Variants in WDR4 observed in about 807,000 individuals in gnomAD.
The protein encoded by WDR4 is WDR4 tRNA N7-guanosine methyltransferase non-catalytic subunit.
Under a neutral mutation model 48.6 loss-of-function variants are expected in WDR4, and 47 were observed. The observed-to-expected ratio is 0.97, with a 90% CI of 0.77 to 1.23. The LOEUF (loss-of-function observed/expected upper bound fraction) is 1.23. WDR4 is among the 50% of genes most tolerant of loss of function. WDR4 has a pLI of 0.00. For synonymous variants in WDR4, 268 were observed against 230.0 expected (o/e 1.17, Z -1.49); for missense variants, 606 against 551.6 (o/e 1.10, Z -0.99).
At chr21:42,863,336 T>C in intron 4 of WDR4, 104 bp downstream of exon 4, 1 of 1,407,022 alleles carries the variant, frequency 7.1e-7, no homozygotes, top group South Asian at 1.4e-5. Flanking sequence ...TGCCTGAGCC[T>C]TGACAGGGTA....
downstream of WDR4, among the ~76,000 whole-genome samples, chr21:42,845,775 A>G (rs2057705846): frequency 6.6e-6 from 1 of 152,228 alleles, no homozygotes; most frequent in African/African-American, 2.4e-5. Flanking sequence ...AAATGTGCAT[A>G]ACTGAGAGCC....
rs928029400 is a variant in WDR4 at position 42,855,756 on chromosome 21, A to G, written c.652T>C (p.Tyr218His). The G allele has an allele frequency of 5.7e-5, 88 of 1,552,598 alleles. No homozygotes were observed. Among genetic ancestry groups the G allele is most frequent in the Admixed American group, 3.1e-4 (16 of 51,328 alleles). The change falls in exon 7 of 11, where the codon TAC becomes CAC. Residue 218 changes from tyrosine (Y) to histidine (H), a missense_variant. Coordinates refer to ENST00000398208, the MANE Select transcript of WDR4 (RefSeq NM_018669.6). ...SGDGTLRLWE[Y>H]RSGRQLHCCH... ...CAGTGCAGCTGGCGGCCGCTCCTGT[A>G]CTCCCAGAGCCTCAGGGTGCCGTCC...
rs373676774 is a variant in WDR4 at position 42,870,585 on chromosome 21, C to T, written c.296+2966G>A. 2.4e-3 allele frequency among the ~76,000 whole-genome samples: 359 copies of T among 151,810 alleles called. 2 individuals carry two copies. Among genetic ancestry groups the T allele is most frequent in the African/African-American group, 8.2e-3 (339 of 41,326 alleles). The stretch of plus-strand genomic sequence containing the variant: ...GGTACATCACCTTGAGGTCAGAGTT[C>T]GAAACCAGCCTGGCCAACATGGTGA... On this transcript the variant is annotated intron_variant, in intron 3 of 10. Coordinates refer to ENST00000398208, the MANE Select transcript of WDR4 (RefSeq NM_018669.6).
At chr21:42,860,910 G>A (rs534836654) in intron 5 of WDR4, among the ~76,000 whole-genome samples, 9 of 152,290 alleles carry the variant, frequency 5.9e-5, no homozygotes, top group African/African-American at 2.2e-4. Context: ...AACTGATACT[G>A]CAATGTCAGC....
Position 42,863,499 on chromosome 21 carries a change from G to C in WDR4, c.394C>G (p.Leu132Val), listed in dbSNP as rs2058166944. 1.2e-6 allele frequency: 2 copies of C among 1,613,888 alleles called. No individual in the cohort carries two copies. The highest frequency in any genetic ancestry group is 1.7e-5 in the Admixed American group (1 of 60,000). Residue 132 changes from leucine to valine, a missense_variant, in exon 4 of 11, where the codon CTG (leucine) becomes GTG (valine). By Grantham distance (32) the Leu-to-Val change is conservative. Transcript: ENST00000398208. Reference protein sequence around the residue: ...KSGDVYSFSVLEPHGCGRLEL... With the variant: ...KSGDVYSFSVVEPHGCGRLEL... Reference sequence around the variant, plus strand: ...AGACGGCCACACCCGTGTGGCTCCAGCACCGAAAAGGAGTAGACGTCTCCA... The same window carrying C: ...AGACGGCCACACCCGTGTGGCTCCACCACCGAAAAGGAGTAGACGTCTCCA...
At chr21:42,856,140 C>A (rs1409870266) in intron 6 of WDR4, among the ~76,000 whole-genome samples, 1 of 152,206 alleles carries the variant, frequency 6.6e-6, no homozygotes, top group East Asian at 1.9e-4. Flanking sequence ...TAGACACGGG[C>A]ATGCACACAG....
In WDR4 at chr21:42,862,864, C is replaced by T. The variant is rs1036621633; in HGVS notation, c.454-470G>A. On this transcript the variant is annotated intron_variant, in intron 4 of 10. Transcript: ENST00000398208. The surrounding 1 kb of genome is among the most constrained non-coding windows in gnomAD (Gnocchi z 4.3). Reference sequence around the variant, plus strand: ...CATTGTTCCTGACTGTCCCTGTGTGCGTCCAATCCCAGCTCCACCACCCGG... The same window carrying T: ...CATTGTTCCTGACTGTCCCTGTGTGTGTCCAATCCCAGCTCCACCACCCGG... 5.3e-5 allele frequency among the ~76,000 whole-genome samples: 8 copies of T among 152,224 alleles called. No homozygotes were observed. Among genetic ancestry groups the T allele is most frequent in the African/African-American group, 7.2e-5 (3 of 41,454 alleles).
intron 2 of WDR4, among the ~76,000 whole-genome samples, chr21:42,874,652 A>G (rs1207694736): frequency 1.3e-5 from 2 of 151,904 alleles, no homozygotes; most frequent in East Asian, 1.9e-4. Context: ...CTTCTGGTCG[A>G]GACTGTAGGG....
chr21:42,862,511 G>A lies in WDR4; in HGVS notation c.454-117C>T, dbSNP rs1044927448. 82 of 894,058 alleles carry A rather than the reference G, an allele frequency of 9.2e-5. No individual in the cohort carries two copies. The highest frequency in any genetic ancestry group is 2.5e-4 in the Middle Eastern group (1 of 3,962). The allele number at this position is 894,058 out of a possible 1,614,324, so 55.4% of individuals were successfully genotyped here. A position where few individuals can be genotyped will look rare whatever the true frequency, so the allele number is the denominator to read the frequency against. ...TGGCCGCCAAGAGGATGAGGCCTTCGAGGACAGACCAGCGTGGCTCCTCCC... is the reference window on the plus strand; with the variant it reads ...TGGCCGCCAAGAGGATGAGGCCTTCAAGGACAGACCAGCGTGGCTCCTCCC... On this transcript the variant is annotated intron_variant, in intron 4 of 10. Transcript: ENST00000398208. The surrounding 1 kb of genome is among the most constrained non-coding windows in gnomAD (Gnocchi z 4.3).
rs2058131333 is a variant in WDR4 at position 42,862,162 on chromosome 21, C to T, written c.566+120G>A. 2.3e-5 allele frequency: 20 copies of T among 857,090 alleles called. No individual in the cohort carries two copies. Among genetic ancestry groups the T allele is most frequent in the Non-Finnish European group, 3.2e-5 (18 of 556,992 alleles). The allele number at this position is 857,090 out of a possible 1,614,324, so 53.1% of individuals were successfully genotyped here. A position where few individuals can be genotyped will look rare whatever the true frequency, so the allele number is the denominator to read the frequency against. The stretch of plus-strand genomic sequence containing the variant: ...GCCTGCAGTGACCAAACACCAAGCA[C>T]GGGGGCTGCTGTCACCCGCGTGGGG... On this transcript the variant is annotated intron_variant, in intron 5 of 10. Coordinates refer to ENST00000398208, the MANE Select transcript of WDR4 (RefSeq NM_018669.6). The surrounding 1 kb of genome is among the most constrained non-coding windows in gnomAD (Gnocchi z 4.3).
chr21:42,868,334 T>C (rs1001458579), intron 3 of WDR4, among the ~76,000 whole-genome samples: 2 of 152,198 alleles, frequency 1.3e-5, no homozygotes, highest in Non-Finnish European at 2.9e-5. Context: ...CAAGCTCACA[T>C]TGAAGTAAGG....
intron 7 of WDR4, 100 bp downstream of exon 7, chr21:42,855,582 A>C: frequency 1.1e-6 from 1 of 881,108 alleles, no homozygotes; most frequent in Non-Finnish European, 1.7e-6. Context: ...TGGCATTGAG[A>C]GCAAACGTTT....
At chr21:42,887,911 G>A in the WDR4 span, among the ~76,000 whole-genome samples, 4 of 151,412 alleles carry the variant, frequency 2.6e-5, no homozygotes, top group African/African-American at 9.7e-5. Context: ...GACAAAGCAA[G>A]ACTCCGTGTC....
intron 3 of WDR4, among the ~76,000 whole-genome samples, chr21:42,865,515 G>A (rs1948129159): frequency 6.6e-6 from 1 of 152,156 alleles, no homozygotes. Context: ...GCTCAGCAGA[G>A]GGCACTGCTC....
At chr21:42,873,862 T>C (rs575541614) in intron 2 of WDR4, among the ~76,000 whole-genome samples, 171 bp from the exon 3 acceptor site, 3 of 152,294 alleles carry the variant, frequency 2.0e-5, no homozygotes, top group African/African-American at 7.2e-5. Context: ...AAAACAGCTC[T>C]AATTTTATCA....
chr21:42,879,323 G>T, intron 1 of WDR4, 84 bp downstream of exon 1: 1 of 1,559,228 alleles, frequency 6.4e-7, no homozygotes, highest in East Asian at 2.3e-5. Flanking sequence ...GGTGCGACCA[G>T]GCGGTGCGGG....
chr21:42,845,544 C>T (rs1449010047), downstream of WDR4, among the ~76,000 whole-genome samples: 1 of 152,118 alleles, frequency 6.6e-6, no homozygotes, highest in Non-Finnish European at 1.5e-5. Context: ...ACGGGTAAGT[C>T]AAGGTTTTGG....
the WDR4 span, among the ~76,000 whole-genome samples, chr21:42,890,755 G>A: frequency 6.6e-6 from 1 of 152,224 alleles, no homozygotes; most frequent in Admixed American, 6.5e-5. Context: ...AACAGCCTCT[G>A]CTGTCGGAAA....
chr21:42,879,097 C>A, intron 1 of WDR4: 5 of 1,182,344 alleles, frequency 4.2e-6, no homozygotes, highest in Non-Finnish European at 5.2e-6. Flanking sequence ...CCGGTCCCCG[C>A]CGGCGCCGCG....
Sources: allele counts gnomAD v4.1 joint callset (sites outside exome capture counted in the v4.1 genomes callset), GRCh38; gene constraint gnomAD v4.1.1; non-coding constraint Gnocchi (gnomAD v3.1); transcripts MANE v1.5; gene names NCBI Gene and HGNC (gene_info 2026-07-23, HGNC 2026-07-21).